The following C22orf31 variants were observed in gnomAD, a reference collection of about 807,000 sequenced individuals.
C22orf31 encodes uncharacterized protein C22orf31.
A neutral mutation model predicts 15.0 loss-of-function variants in C22orf31; 11 were observed. That is an observed-to-expected ratio of 0.73 (90% CI 0.46 to 1.21). C22orf31 has a LOEUF of 1.21. C22orf31 is among the 50% of genes most tolerant of loss of function. C22orf31 has a pLI of 0.00. For synonymous variants in C22orf31, 132 were observed against 133.3 expected, an observed-to-expected ratio of 0.99 and a Z score of 0.07; for missense variants, 340 against 347.2, an observed-to-expected ratio of 0.98 and a Z score of 0.17.
At chr22:29,073,223 A>C in the C22orf31 span, 1 of 1,164,108 alleles carries the variant, frequency 8.6e-7, no homozygotes. This position sits in a 1 kb window ranked among gnomAD's most constrained non-coding sequence, Gnocchi z 4.4. Context: ...TCGGCCCCGG[A>C]CCCGGTGAGT....
rs546878518 is a variant in C22orf31, at chr22:29,058,745, T to C, written c.870A>G (p.Lys290=). Residue 290 remains lysine (K), a synonymous_variant, in exon 3 of 3, where the codon AAA becomes AAG. Transcript: ENST00000216071. Reference sequence around the variant, plus strand: ...CTAATCCCATGAGTTCTTGTTCCTATTTTTTGCTCTTTAACTTGGGCCATT... The same window carrying C: ...CTAATCCCATGAGTTCTTGTTCCTACTTTTTGCTCTTTAACTTGGGCCATT... ...LKKWPKLKSK[K] 1.6e-5 allele frequency: 26 copies of C among 1,603,886 alleles called. No homozygotes were observed. In the South Asian group the frequency reaches 2.3e-4, roughly 14 times the overall value.
chr22:29,073,227 G>A, the C22orf31 span: 1 of 1,158,462 alleles, frequency 8.6e-7, no homozygotes, highest in Non-Finnish European at 1.1e-6. The surrounding 1 kb of genome is among the most constrained non-coding windows in gnomAD (Gnocchi z 4.4). Context: ...CCCCGGACCC[G>A]GTGAGTGTGA....
At chr22:29,073,809 CCGGGCCGGG>C in the C22orf31 span, among the ~76,000 whole-genome samples, 1 of 152,044 alleles carries the variant, frequency 6.6e-6, no homozygotes, top group African/African-American at 2.4e-5. The surrounding 1 kb of genome is among the most constrained non-coding windows in gnomAD (Gnocchi z 4.4). Flanking sequence ...GCGACCCCTC[CCGGGCCGGG>C]ACGACCCCTG....
At chr22:29,059,240 A>G in intron 2 of C22orf31, 58 bp from the exon 3 acceptor site, 2 of 1,280,428 alleles carry the variant, frequency 1.6e-6, no homozygotes, top group East Asian at 2.3e-5. Flanking sequence ...AGCTCAGAAT[A>G]ATTATCTGGG....
chr22:29,070,310 C>T, the C22orf31 span, among the ~76,000 whole-genome samples: 1 of 152,182 alleles, frequency 6.6e-6, no homozygotes, highest in Non-Finnish European at 1.5e-5. Flanking sequence ...CTGTGTCATG[C>T]CAATTATATG....
upstream of C22orf31, chr22:29,061,870 C>A: frequency 8.3e-7 from 1 of 1,211,554 alleles, no homozygotes; most frequent in Admixed American, 2.3e-5. Context: ...CTTTTTCTCT[C>A]TCTCTCTTTT....
At chr22:29,061,137 G>A (rs559439823) in intron 1 of C22orf31, among the ~76,000 whole-genome samples, 2 of 152,270 alleles carry the variant, frequency 1.3e-5, no homozygotes, top group South Asian at 2.1e-4. Context: ...GACAATTCCT[G>A]CCTGCTGGAA....
rs776057378 is a variant in C22orf31, at chr22:29,059,009, C to T, written c.606G>A (p.Thr202=). ...CTGTGGGGAGACCATGGATGGTTAG[C>T]GTGTCCTCCGACAACTGCTGTCTCT... The part of the protein sequence containing the change: ...TQKRQQLSED[T]LTIHGLPTEG... Residue 202 remains threonine (T), a synonymous_variant, in exon 3 of 3, where the codon ACG becomes ACA. Coordinates refer to ENST00000216071, the MANE Select transcript of C22orf31 (RefSeq NM_015370.2). The T allele has an allele frequency of 1.2e-4, 188 of 1,614,092 alleles. 1 individual carries two copies. Among genetic ancestry groups the T allele is most frequent in the Admixed American group, 1.1e-3 (66 of 60,004 alleles).
At chr22:29,069,457 G>A in the C22orf31 span, among the ~76,000 whole-genome samples, 2 of 152,150 alleles carry the variant, frequency 1.3e-5, no homozygotes, top group Admixed American at 1.3e-4. Context: ...GAGGAAGAAA[G>A]GGGCCTTACT....
chr22:29,065,469 C>CT (rs2037423313), upstream of C22orf31, among the ~76,000 whole-genome samples: 4 of 152,108 alleles, frequency 2.6e-5, no homozygotes, highest in Non-Finnish European at 4.4e-5. Flanking sequence ...CAATGAGCCT[C>CT]TTGGAAGTAG....
Sources: gnomAD v4.1 joint callset for allele counts (sites outside exome capture counted in the v4.1 genomes callset) on GRCh38, gnomAD v4.1.1 for gene constraint, Gnocchi (gnomAD v3.1) non-coding constraint, MANE v1.5 for transcripts, NCBI Gene and HGNC (gene_info 2026-07-23, HGNC 2026-07-21) for gene names.